Variants in BSN observed in about 807,000 individuals in gnomAD.
BSN encodes bassoon presynaptic cytomatrix protein, also known as protein bassoon.
A neutral mutation model predicts 264.8 loss-of-function variants in BSN; 57 were observed. The observed-to-expected ratio is 0.22, with a 90% CI of 0.17 to 0.27. The LOEUF is 0.27. Ranked by LOEUF, BSN falls within the 10% of genes least tolerant of loss-of-function variation. BSN has a pLI of 1.00. For missense variants in BSN, 4,615 were observed against 5,232.5 expected, an observed-to-expected ratio of 0.88 and a Z score of 3.64; for synonymous variants, 2,059 against 2,137.3, an observed-to-expected ratio of 0.96 and a Z score of 1.01.
chr3:49,556,101 A>G (rs756537114), intron 1 of BSN, among the ~76,000 whole-genome samples: 5 of 152,198 alleles, frequency 3.3e-5, no homozygotes, highest in Non-Finnish European at 7.3e-5. Flanking sequence ...AGCACTGCAA[A>G]CACTGTCCAT....
chr3:49,601,587 C>G (rs770710057), intron 1 of BSN, among the ~76,000 whole-genome samples: 26 of 152,096 alleles, frequency 1.7e-4, no homozygotes, highest in Non-Finnish European at 3.4e-4. Flanking sequence ...AAATAGAGCC[C>G]AAGGCTTGGG....
chr3:49,586,741 G>A (rs952165054), intron 1 of BSN, among the ~76,000 whole-genome samples: 1 of 152,184 alleles, frequency 6.6e-6, no homozygotes, highest in Non-Finnish European at 1.5e-5. Flanking sequence ...TTGTTTCTGG[G>A]TTTTCTATTC....
intron 2 of BSN, among the ~76,000 whole-genome samples, chr3:49,633,781 T>C (rs1312049955): frequency 6.6e-6 from 1 of 152,094 alleles, no homozygotes; most frequent in Non-Finnish European, 1.5e-5. Flanking sequence ...ATCTGACACA[T>C]GATACAACAT....
chr3:49,635,533 A>T (rs1467473839), intron 2 of BSN, among the ~76,000 whole-genome samples: 1 of 152,194 alleles, frequency 6.6e-6, no homozygotes, highest in Non-Finnish European at 1.5e-5. Context: ...AAAATTGTTG[A>T]AAGAATTGTA....
chr3:49,655,783 G>A lies in BSN; in HGVS notation c.6227G>A (p.Arg2076Gln), dbSNP rs1256883752. 10 of 1,613,292 alleles carry A rather than the reference G, an allele frequency of 6.2e-6. No homozygotes were observed. Among genetic ancestry groups the A allele is most frequent in the African/African-American group, 5.3e-5 (4 of 74,946 alleles). ...TACTCAGACCACAGGTACGGCCCAC[G>A]GGGAGATGCAGTTGGCTTCCAGGAG... Reference protein sequence around the residue: ...NIYSDHRYGPRGDAVGFQEAS... With the variant: ...NIYSDHRYGPQGDAVGFQEAS... The change falls in exon 5 of 12, where the codon CGG (arginine) becomes CAG (glutamine). Residue 2076 changes from arginine (R) to glutamine (Q), a missense_variant. Arg to Gln is a conservative substitution (Grantham distance 43). Coordinates refer to ENST00000296452, the MANE Select transcript of BSN (RefSeq NM_003458.4).
chr3:49,632,815 G>C (rs2052391740), intron 2 of BSN, among the ~76,000 whole-genome samples: 1 of 151,994 alleles, frequency 6.6e-6, no homozygotes, highest in Non-Finnish European at 1.5e-5. Flanking sequence ...GGGGAGCAAA[G>C]AGGAGTCAGG....
At position 49,656,362 on chromosome 3, in the gene BSN, T is replaced by A. The variant is rs747280672; in HGVS notation, c.6806T>A (p.Ile2269Asn). The part of the protein sequence containing the change: ...YRYPAPSRFP[I>N]ASSVPPAEGP... ...TATCCTGCACCAAGTAGATTTCCCA[T>A]TGCTTCCAGTGTTCCACCTGCAGAA... The change falls in exon 5 of 12, where the codon ATT becomes AAT. Residue 2269 changes from isoleucine to asparagine, a missense_variant. Transcript: ENST00000296452. The A allele has an allele frequency of 6.2e-7, 1 of 1,603,158 alleles. No homozygotes were observed.
At chr3:49,636,190 A>G (rs1415633742) in intron 2 of BSN, among the ~76,000 whole-genome samples, 1 of 152,192 alleles carries the variant, frequency 6.6e-6, no homozygotes. Context: ...TGGAGTGACC[A>G]TGGAAGTCAT....
chr3:49,579,584 C>A (rs1261174919), intron 1 of BSN, among the ~76,000 whole-genome samples: 3 of 147,254 alleles, frequency 2.0e-5, no homozygotes, highest in African/African-American at 7.5e-5. Flanking sequence ...TTCTTTCTTT[C>A]TTTTTTTTTT....
intron 1 of BSN, among the ~76,000 whole-genome samples, chr3:49,603,592 G>A (rs2052088473): frequency 1.3e-5 from 2 of 152,194 alleles, no homozygotes; most frequent in African/African-American, 4.8e-5. Context: ...GTTTGTGGGT[G>A]TGTTAGGTGA....
At position 49,652,480 on chromosome 3, in the gene BSN, C is replaced by T. The variant is rs571758314; in HGVS notation, c.2924C>T (p.Ser975Phe). ...ESLTGSPEDR[S>F]RGEHSSTLPA... The stretch of plus-strand genomic sequence containing the variant: ...CTAACGGGCTCCCCTGAGGACCGCT[C>T]CCGTGGTGAGCACTCCTCTACATTG... The change falls in exon 5 of 12, where the codon TCC becomes TTC. Residue 975 changes from serine to phenylalanine, a missense_variant. By Grantham distance (155) the Ser-to-Phe change is radical. This residue lies in a region of BSN where 1,197 missense variants were observed against 1,348.0 expected (regional missense o/e 0.89). Coordinates refer to ENST00000296452, the MANE Select transcript of BSN (RefSeq NM_003458.4). 1.2e-6 allele frequency: 2 copies of T among 1,613,832 alleles called. No homozygotes were observed. Among genetic ancestry groups the T allele is most frequent in the Non-Finnish European group, 1.7e-6 (2 of 1,180,012 alleles).
intron 1 of BSN, among the ~76,000 whole-genome samples, chr3:49,596,336 G>A (rs561910501): frequency 1.1e-4 from 16 of 152,194 alleles, no homozygotes; most frequent in Admixed American, 2.6e-4. Flanking sequence ...CCTAGGAGGC[G>A]GAGCTTGCAG....
At chr3:49,637,492 A>G (rs1347305536) in intron 2 of BSN, among the ~76,000 whole-genome samples, 1 of 152,138 alleles carries the variant, frequency 6.6e-6, no homozygotes, top group East Asian at 1.9e-4. Context: ...CCAGTGGAGG[A>G]ATTACCAGGG....
intron 1 of BSN, among the ~76,000 whole-genome samples, chr3:49,575,456 A>G (rs889969134): frequency 3.4e-5 from 5 of 147,870 alleles, no homozygotes; most frequent in East Asian, 1.9e-4. Context: ...GTGTGTATAT[A>G]TGTAAATATA....
rs201624401 is a variant in BSN at position 49,654,673 on chromosome 3, G to A, written c.5117G>A (p.Arg1706Gln). The A allele has an allele frequency of 1.4e-5, 22 of 1,613,622 alleles. No homozygotes were observed. The highest frequency in any genetic ancestry group is 2.2e-5 in the East Asian group (1 of 44,894). The part of the protein sequence containing the change: ...YGLALDPIPG[R>Q]QSTAVQPLVI... ...CTTGCCCTGGATCCAATCCCAGGAC[G>A]GCAGTCGACCGCCGTGCAGCCCTTG... Residue 1706 changes from arginine to glutamine, a missense_variant, in exon 5 of 12, where the codon CGG (arginine) becomes CAG (glutamine). Around this residue, in one of 3 missense-constraint regions of BSN, gnomAD observed 3,415 missense variants for 3,866.4 expected, o/e 0.88. Coordinates refer to ENST00000296452, the MANE Select transcript of BSN (RefSeq NM_003458.4). The surrounding 1 kb of genome is among the most constrained non-coding windows in gnomAD (Gnocchi z 4.1).
In BSN at chr3:49,652,908, C is replaced by T. The variant is rs1408026122; in HGVS notation, c.3352C>T (p.Leu1118=). 2.5e-6 allele frequency: 4 copies of T among 1,610,170 alleles called. No homozygotes were observed. Among genetic ancestry groups the T allele is most frequent in the Admixed American group, 1.7e-5 (1 of 59,688 alleles). Residue 1118 remains leucine (L), a synonymous_variant, in exon 5 of 12, where the codon CTA becomes TTA. Coordinates refer to ENST00000296452, the MANE Select transcript of BSN (RefSeq NM_003458.4). ...ELRQAAEMEE[L]HRSSCSEYSP... Reference sequence around the variant, plus strand: ...GAGGCAGGCGGCCGAGATGGAGGAGCTACACCGCTCCTCCTGCTCTGAGTA... The same window carrying T: ...GAGGCAGGCGGCCGAGATGGAGGAGTTACACCGCTCCTCCTGCTCTGAGTA...
Position 49,652,475 on chromosome 3 carries a change from C to T in BSN, c.2919C>T (p.Asp973=), listed in dbSNP as rs376671637. ...AGAGCCTAACGGGCTCCCCTGAGGA[C>T]CGCTCCCGTGGTGAGCACTCCTCTA... ...EMESLTGSPE[D]RSRGEHSSTL... is the part of the protein sequence containing the mutation. The change falls in exon 5 of 12, where the codon GAC becomes GAT. Residue 973 remains aspartate (D), a synonymous_variant. Coordinates refer to ENST00000296452, the MANE Select transcript of BSN (RefSeq NM_003458.4). The T allele has an allele frequency of 2.0e-5, 33 of 1,613,696 alleles. No individual in the cohort carries two copies. Among genetic ancestry groups the T allele is most frequent in the Non-Finnish European group, 2.5e-5 (29 of 1,180,012 alleles).
chr3:49,670,722 C>T lies in BSN; in HGVS notation c.*3237C>T, dbSNP rs2052748347. On this transcript the variant is annotated 3_prime_UTR_variant, in exon 12 of 12. Coordinates refer to ENST00000296452, the MANE Select transcript of BSN (RefSeq NM_003458.4). ...AGCATCATGAGCAAGGGCATTGCCT[C>T]CTCTCTCTGCTCACTTCAGGGCCCA... 6.6e-6 allele frequency: 1 copy of T among 152,354 alleles called. No homozygotes were observed. Among genetic ancestry groups the T allele is most frequent in the Non-Finnish European group, 1.5e-5 (1 of 68,112 alleles). The allele number at this position is 152,354 out of a possible 1,614,324, so 9.4% of individuals were successfully genotyped here.
chr3:49,644,700 C>T (rs2052492678), intron 3 of BSN, among the ~76,000 whole-genome samples: 1 of 152,184 alleles, frequency 6.6e-6, no homozygotes, highest in Non-Finnish European at 1.5e-5. Flanking sequence ...AGGTGGGGCA[C>T]ACTGACACTG....
Sources: gnomAD v4.1 joint callset for allele counts (sites outside exome capture counted in the v4.1 genomes callset) on GRCh38, gnomAD v4.1.1 for gene constraint, gnomAD v4.1.1 regional missense constraint, Gnocchi (gnomAD v3.1) non-coding constraint, MANE v1.5 for transcripts, NCBI Gene and HGNC (gene_info 2026-07-23, HGNC 2026-07-21) for gene names.